Variants in KMT2D observed in about 807,000 individuals in gnomAD.
KMT2D encodes histone-lysine N-methyltransferase 2D.
In KMT2D, 55 loss-of-function variants were observed where a neutral mutation model predicts 512.7. That is an observed-to-expected ratio of 0.11 (90% CI 0.09 to 0.13). KMT2D has a LOEUF of 0.13. Ranked by LOEUF, KMT2D falls within the 10% of genes least tolerant of loss-of-function variation. KMT2D has a pLI of 1.00. For synonymous variants in KMT2D, 2,995 were observed against 2,904.0 expected (o/e 1.03, Z -1.01); for missense variants, 6,061 against 7,127.9 (o/e 0.85, Z 5.39).
intron 19 of KMT2D, among the ~76,000 whole-genome samples, chr12:49,045,245 T>C (rs1033453534): frequency 1.3e-5 from 2 of 152,192 alleles, no homozygotes; most frequent in Non-Finnish European, 2.9e-5. Flanking sequence ...TGTCTGGGGC[T>C]ATGAGGGCCC....
rs2137707781 is a variant in KMT2D, at chr12:49,022,849, A to G, written c.16079T>C (p.Met5360Thr). The change falls in exon 52 of 55, where the codon ATG becomes ACG. Residue 5360 changes from methionine (M) to threonine (T), a missense_variant. Coordinates refer to ENST00000301067, the MANE Select transcript of KMT2D (RefSeq NM_003482.4). The surrounding 1 kb of genome is among the most constrained non-coding windows in gnomAD (Gnocchi z 8.6). ...KRPHTLNSTSMSKAYQSTFTG... is the reference protein window; with the variant it reads ...KRPHTLNSTSTSKAYQSTFTG... ...GAAGGTGCTCTGATATGCCTTAGAC[A>G]TGCTGGTGCTGTTCAGGGTATGGGG... 2 of 1,608,590 alleles carry G rather than the reference A, an allele frequency of 1.2e-6. No individual in the cohort carries two copies. The highest frequency in any genetic ancestry group is 8.5e-7 in the Non-Finnish European group (1 of 1,175,954).
Position 49,052,325 on chromosome 12 carries a change from G to T in KMT2D, c.1358C>A (p.Pro453His), listed in dbSNP as rs1938116536. Residue 453 changes from proline to histidine, a missense_variant, in exon 11 of 55, where the codon CCT (proline) becomes CAT (histidine). This residue lies in a region of KMT2D where 848 missense variants were observed against 838.5 expected (regional missense o/e 1.01). Transcript: ENST00000301067. The stretch of plus-strand genomic sequence containing the variant: ...TGGTGGGGACGTGGGTGATTCCTCA[G>T]GTGGTGGGGACAGGGGTGACTCCTC... ...PPEESPLSPP[P>H]EESPTSPPPE... 6.3e-7 allele frequency: 1 copy of T among 1,575,148 alleles called. No individual in the cohort carries two copies. The highest frequency in any genetic ancestry group is 1.4e-5 in the African/African-American group (1 of 74,064).
At chr12:49,030,220 TA>T in intron 43 of KMT2D, 59 bp downstream of exon 43, 1 of 1,441,434 alleles carries the variant, frequency 6.9e-7, no homozygotes, top group Non-Finnish European at 9.6e-7. Context: ...TACAGCATAC[TA>T]ACTGGTTTGG....
Position 49,037,739 on chromosome 12 carries a change from C to A in KMT2D, c.9617G>T (p.Gly3206Val), listed in dbSNP as rs1159894206. 1.3e-6 allele frequency: 2 copies of A among 1,588,710 alleles called. No homozygotes were observed. Among genetic ancestry groups the A allele is most frequent in the East Asian group, 4.6e-5 (2 of 43,640 alleles). The change falls in exon 35 of 55, where the codon GGA (glycine) becomes GTA (valine). Residue 3206 changes from glycine to valine, a missense_variant. Gly to Val is a moderately radical substitution (Grantham distance 109). This residue lies in a region of KMT2D where 533 missense variants were observed against 539.6 expected (regional missense o/e 0.99). Coordinates refer to ENST00000301067, the MANE Select transcript of KMT2D (RefSeq NM_003482.4). ...CTCAAACTTTTCCAGCAGGGAGGAT[C>A]CTCCTGGGCCACTCAGTGGGCTGGG... ...LTPSPLSGPG[G>V]SSLLEKFELE... is the part of the protein sequence containing the mutation.
Position 49,054,975 on chromosome 12 carries a change from G to A in KMT2D, c.101C>T (p.Pro34Leu). The stretch of plus-strand genomic sequence containing the variant: ...AGAGACCTCTCCCACATGTGGGTTG[G>A]GCAGGTCTGACTCAGTGGCACTTGG... ...EDPSATESDL[P>L]NPHVGEVSVL... Residue 34 changes from proline (P) to leucine (L), a missense_variant, in exon 3 of 55, where the codon CCC becomes CTC. Coordinates refer to ENST00000301067, the MANE Select transcript of KMT2D (RefSeq NM_003482.4). The surrounding 1 kb of genome is among the most constrained non-coding windows in gnomAD (Gnocchi z 6.4). 12 of 1,613,970 alleles carry A rather than the reference G, an allele frequency of 7.4e-6. No homozygotes were observed. Among genetic ancestry groups the A allele is most frequent in the Non-Finnish European group, 9.3e-6 (11 of 1,179,884 alleles).
chr12:49,045,165 G>A (rs150799012), intron 19 of KMT2D, among the ~76,000 whole-genome samples, 200 bp from the exon 20 acceptor site: 2 of 152,296 alleles, frequency 1.3e-5, no homozygotes, highest in Non-Finnish European at 2.9e-5. Flanking sequence ...GAGATTCAGA[G>A]AGGAACTGTA....
Position 49,024,428 on chromosome 12 carries a change from C to A in KMT2D, c.16052+150G>T. The A allele has an allele frequency of 3.0e-6, 3 of 996,622 alleles. No individual in the cohort carries two copies. Among genetic ancestry groups the A allele is most frequent in the Non-Finnish European group, 4.3e-6 (3 of 693,414 alleles). 61.7% of individuals were successfully genotyped at this position (996,622 alleles called of 1,614,324 possible). ...GGAGGAAAAGGATACCCTACTAATA[C>A]CTGCATGCCCTCTAATTAGGAAGTC... On this transcript the variant is annotated intron_variant, in intron 51 of 54. Transcript: ENST00000301067. This position sits in a 1 kb window ranked among gnomAD's most constrained non-coding sequence, Gnocchi z 4.5.
At position 49,052,430 on chromosome 12, in the gene KMT2D, GAC is replaced by G; in HGVS notation, c.1259-8_1259-7del. On this transcript the variant is annotated splice_region_variant and splice_polypyrimidine_tract_variant and intron_variant, in intron 10 of 54. Transcript: ENST00000301067. The stretch of plus-strand genomic sequence containing the variant: ...AAGTTGGACCCCTGCTTTCCCTGCA[GAC>G]ACAACAACACGATGCTCCTATCTAG... 2 of 1,541,952 alleles carry G rather than the reference GAC, an allele frequency of 1.3e-6. No homozygotes were observed. Among genetic ancestry groups the G allele is most frequent in the South Asian group, 2.5e-5 (2 of 78,898 alleles).
In KMT2D at chr12:49,032,042, C is replaced by G. The variant is rs769203609; in HGVS notation, c.12663G>C (p.Gln4221His). The change falls in exon 40 of 55, where the codon CAG becomes CAC. Residue 4221 changes from glutamine to histidine, a missense_variant. This residue lies in a region of KMT2D where 1,600 missense variants were observed against 1,754.9 expected (regional missense o/e 0.91). Transcript: ENST00000301067. Reference protein sequence around the residue: ...LRHLSPQQQQQLQALLMQRQL... With the variant: ...LRHLSPQQQQHLQALLMQRQL... Reference sequence around the variant, plus strand: ...GCCGCTGCATGAGGAGTGCCTGTAGCTGCTGCTGCTGCTGAGGACTTAAGT... The same window carrying G: ...GCCGCTGCATGAGGAGTGCCTGTAGGTGCTGCTGCTGCTGAGGACTTAAGT... 19 of 1,608,712 alleles carry G rather than the reference C, an allele frequency of 1.2e-5. No individual in the cohort carries two copies. The South Asian group carries it at 2.1e-4, about 18-fold the overall frequency.
intron 35 of KMT2D, 35 bp downstream of exon 35, chr12:49,037,090 C>G (rs1307142306): frequency 1.3e-6 from 2 of 1,534,636 alleles, no homozygotes; most frequent in Admixed American, 2.0e-5. Context: ...AATAATCACC[C>G]TGAGTAACTT....
At position 49,034,496 on chromosome 12, in the gene KMT2D, TA is replaced by T; in HGVS notation, c.10441-21del. Reference sequence around the variant, plus strand: ...CCGCTCCTGCAATGAGAGAGGCTGCTAAAGGGTCATTGTTCCCTGCTAGGCC... The same window carrying T: ...CCGCTCCTGCAATGAGAGAGGCTGCTAAGGGTCATTGTTCCCTGCTAGGCC... On this transcript the variant is annotated intron_variant, in intron 37 of 54. Coordinates refer to ENST00000301067, the MANE Select transcript of KMT2D (RefSeq NM_003482.4). 6.2e-7 allele frequency: 1 copy of T among 1,613,112 alleles called. No homozygotes were observed. The highest frequency in any genetic ancestry group is 8.5e-7 in the Non-Finnish European group (1 of 1,179,588).
chr12:49,051,295 A>C lies in KMT2D; in HGVS notation c.2388T>G (p.His796Gln), dbSNP rs778804304. The C allele has an allele frequency of 2.0e-6, 3 of 1,527,584 alleles. No homozygotes were observed. The highest frequency in any genetic ancestry group is 2.6e-6 in the Non-Finnish European group (3 of 1,137,132). The allele number at this position is 1,527,584 out of a possible 1,614,324, so 94.6% of individuals were successfully genotyped here. ...PHLSPQAEGPHLSPQPEELHL... is the reference protein window; with the variant it reads ...PHLSPQAEGPQLSPQPEELHL... ...GCAATTCCTCAGGCTGAGGGGACAG[A>C]TGTGGTCCCTCAGCCTGGGGGGACA... The change falls in exon 11 of 55, where the codon CAT becomes CAG. Residue 796 changes from histidine to glutamine, a missense_variant. By Grantham distance (24) the His-to-Gln change is conservative (BLOSUM62 0). Coordinates refer to ENST00000301067, the MANE Select transcript of KMT2D (RefSeq NM_003482.4).
rs767564144 is a variant in KMT2D at position 49,040,295 on chromosome 12, C to T, written c.7475G>A (p.Gly2492Glu). The change falls in exon 32 of 55, where the codon GGG becomes GAG. Residue 2492 changes from glycine (G) to glutamate (E), a missense_variant. Around this residue, in one of 16 missense-constraint regions of KMT2D, gnomAD observed 710 missense variants for 647.3 expected, o/e 1.10. Transcript: ENST00000301067. ...CGCGGGCAGGGCTGCTGGGAACCCC[C>T]CAGCCCCCAGCGAAGTGTGGGCTAG... is the stretch of plus-strand genomic sequence containing the variant. ...GSLAHTSLGA[G>E]GFPAALPAGP... The T allele has an allele frequency of 1.8e-5, 28 of 1,596,822 alleles. No individual in the cohort carries two copies. Among genetic ancestry groups the T allele is most frequent in the Non-Finnish European group, 2.1e-5 (25 of 1,170,596 alleles).
At position 49,020,586 on chromosome 12, in the gene KMT2D, C is replaced by T. The variant is rs1942272084; in HGVS notation, c.*1194G>A. On this transcript the variant is annotated 3_prime_UTR_variant, in exon 55 of 55. Coordinates refer to ENST00000301067, the MANE Select transcript of KMT2D (RefSeq NM_003482.4). ...AAATAGATAAATACCCCCCACCCTCCCCGCGCTGACACTAAGCTCCCCCAC... is the reference window on the plus strand; with the variant it reads ...AAATAGATAAATACCCCCCACCCTCTCCGCGCTGACACTAAGCTCCCCCAC... 5.1e-6 allele frequency: 1 copy of T among 194,426 alleles called. No individual in the cohort carries two copies. The highest frequency in any genetic ancestry group is 7.9e-5 in the East Asian group (1 of 12,732). 12.0% of individuals were successfully genotyped at this position (194,426 alleles called of 1,614,324 possible). A position where few individuals can be genotyped will look rare whatever the true frequency, so the allele number is the denominator to read the frequency against.
At position 49,030,561 on chromosome 12, in the gene KMT2D, G is replaced by C. The variant is rs199729939; in HGVS notation, c.13839+40C>G. 6 of 1,529,424 alleles carry C rather than the reference G, an allele frequency of 3.9e-6. No homozygotes were observed. The East Asian group carries it at 1.4e-4, about 35-fold the overall frequency. The allele number at this position is 1,529,424 out of a possible 1,614,324, so 94.7% of individuals were successfully genotyped here. ...TCTATTCCCACCCTCACCTTCCCAA[G>C]AACTTCACTATTCCCAAAAAATATT... On this transcript the variant is annotated intron_variant, in intron 42 of 54. Coordinates refer to ENST00000301067, the MANE Select transcript of KMT2D (RefSeq NM_003482.4).
At chr12:49,056,802 G>A (rs1311881791) in intron 1 of KMT2D, among the ~76,000 whole-genome samples, 2 of 152,336 alleles carry the variant, frequency 1.3e-5, no homozygotes, top group Admixed American at 6.5e-5. Flanking sequence ...AGATGAGACA[G>A]GGGGAACCCT....
chr12:49,027,410 A>G (rs892846172), intron 48 of KMT2D, 88 bp from the exon 49 acceptor site: 3 of 1,057,474 alleles, frequency 2.8e-6, no homozygotes, highest in African/African-American at 1.6e-5. Context: ...CCCTCCCAAA[A>G]GGCCTCCACA....
In KMT2D at chr12:49,034,889, C is replaced by T. The variant is rs550599748; in HGVS notation, c.10278G>A (p.Lys3426=). Residue 3426 remains lysine, a synonymous_variant, in exon 36 of 55, where the codon AAG becomes AAA. Coordinates refer to ENST00000301067, the MANE Select transcript of KMT2D (RefSeq NM_003482.4). ...AAEDIIDPIA[K]AKMVALKGIK... The stretch of plus-strand genomic sequence containing the variant: ...TGCCTTTCAAAGCCACCATCTTGGC[C>T]TTTGCAATGGGATCAATGATATCTT... 10 of 1,614,018 alleles carry T rather than the reference C, an allele frequency of 6.2e-6. No homozygotes were observed. The East Asian group carries it at 8.9e-5, about 14-fold the overall frequency.
chr12:49,043,117 T>C lies in KMT2D; in HGVS notation c.5603A>G (p.Glu1868Gly). The change falls in exon 26 of 55, where the codon GAA becomes GGA. Residue 1868 changes from glutamate (E) to glycine (G), a missense_variant. Around this residue, in one of 16 missense-constraint regions of KMT2D, gnomAD observed 640 missense variants for 814.3 expected, o/e 0.79. Transcript: ENST00000301067. Reference protein sequence around the residue: ...SDPEKPGTPGEGMLSSDLDRI... With the variant: ...SDPEKPGTPGGGMLSSDLDRI... Reference sequence around the variant, plus strand: ...GTCTAAGTCAGAGCTAAGCATCCCTTCACCTGGGGTGCCTGGCTTCTCAGG... The same window carrying C: ...GTCTAAGTCAGAGCTAAGCATCCCTCCACCTGGGGTGCCTGGCTTCTCAGG... 1 of 1,613,924 alleles carries C rather than the reference T, an allele frequency of 6.2e-7. No individual in the cohort carries two copies. The highest frequency in any genetic ancestry group is 8.5e-7 in the Non-Finnish European group (1 of 1,179,830).
Sources: allele counts gnomAD v4.1 joint callset (sites outside exome capture counted in the v4.1 genomes callset), GRCh38; gene constraint gnomAD v4.1.1; regional missense constraint gnomAD v4.1.1; non-coding constraint Gnocchi (gnomAD v3.1); transcripts MANE v1.5; gene names NCBI Gene and HGNC (gene_info 2026-07-23, HGNC 2026-07-21).